CD22: variants seen among roughly 807,000 people sequenced by gnomAD.
CD22 encodes the protein CD22 molecule, also known as B-cell receptor CD22.
CD22 carries 51 observed loss-of-function variants against 94.7 expected under a neutral mutation model. That is an observed-to-expected ratio of 0.54 (90% CI 0.43 to 0.68). CD22 has a LOEUF of 0.68. Ranked by LOEUF, CD22 falls within the 30% of genes least tolerant of loss-of-function variation. The pLI is 0.00. For missense variants in CD22, 931 were observed against 1,060.4 expected (o/e 0.88, Z 1.69); for synonymous variants, 424 against 422.5 (o/e 1.00, Z -0.04).
chr19:35,337,971 C>T lies in CD22; in HGVS notation c.935C>T (p.Ser312Phe), dbSNP rs2066748710. 1 of 1,613,954 alleles carries T rather than the reference C, an allele frequency of 6.2e-7. No individual in the cohort carries two copies. Among genetic ancestry groups the T allele is most frequent in the African/African-American group, 1.3e-5 (1 of 74,936 alleles). ...AGTGGGAAGTACTGCTGTCAGGTCTCCAATGACGTGGGCCCGGGAAGGTCG... is the reference window on the plus strand; with the variant it reads ...AGTGGGAAGTACTGCTGTCAGGTCTTCAATGACGTGGGCCCGGGAAGGTCG... ...DQSGKYCCQV[S>F]NDVGPGRSEE... is the part of the protein sequence containing the mutation. Residue 312 changes from serine to phenylalanine, a missense_variant, in exon 5 of 14, where the codon TCC becomes TTC. Physicochemically the swap from Ser to Phe is radical, Grantham distance 155. Transcript: ENST00000085219. The surrounding 1 kb of genome is among the most constrained non-coding windows in gnomAD (Gnocchi z 4.4).
rs2267578 is a variant in CD22, at chr19:35,335,275, G to A, written c.413-761G>A. On this transcript the variant is annotated intron_variant, in intron 3 of 13. Transcript: ENST00000085219. Reference sequence around the variant, plus strand: ...TCAAAGTGGAGAAAAGCAGGACTGCGTTGGGTGCAGTGGTTCCCGCCTGTA... The same window carrying A: ...TCAAAGTGGAGAAAAGCAGGACTGCATTGGGTGCAGTGGTTCCCGCCTGTA... Among the ~76,000 whole-genome samples, 512 of 152,182 alleles carry A rather than the reference G, an allele frequency of 3.4e-3. 17 individuals carry two copies. The East Asian group carries it at 0.067, about 20-fold the overall frequency.
rs983230247 is a variant in CD22, at chr19:35,331,705, C to A, written c.-22-314C>A. 1.3e-4 allele frequency: 36 copies of A among 277,400 alleles called. No individual in the cohort carries two copies. In the South Asian group the frequency reaches 1.4e-3, roughly 11 times the overall value. The allele number at this position is 277,400 out of a possible 1,614,324, so 17.2% of individuals were successfully genotyped here. A position where few individuals can be genotyped will look rare whatever the true frequency, so the allele number is the denominator to read the frequency against. On this transcript the variant is annotated intron_variant, in intron 1 of 13. Coordinates refer to ENST00000085219, the MANE Select transcript of CD22 (RefSeq NM_001771.4). Reference sequence around the variant, plus strand: ...CTCTACTGAAAATACAAAAATCAGCCAGGCGTGGTGGCACCTGCCTTTACC... The same window carrying A: ...CTCTACTGAAAATACAAAAATCAGCAAGGCGTGGTGGCACCTGCCTTTACC...
intron 2 of CD22, 35 bp from the exon 3 acceptor site, chr19:35,332,512 C>T: frequency 1.3e-6 from 2 of 1,533,040 alleles, no homozygotes; most frequent in Non-Finnish European, 1.7e-6. Context: ...GGCTCTCATG[C>T]CCCCTTAGTA....
At chr19:35,334,919 A>G (rs1194871490) in intron 3 of CD22, among the ~76,000 whole-genome samples, 1 of 151,996 alleles carries the variant, frequency 6.6e-6, no homozygotes, top group Non-Finnish European at 1.5e-5. Context: ...TCTACTAAAA[A>G]TGCAAAAAGT....
At chr19:35,338,760 G>T (rs2066762676) in intron 6 of CD22, among the ~76,000 whole-genome samples, 1 of 152,048 alleles carries the variant, frequency 6.6e-6, no homozygotes, top group African/African-American at 2.4e-5. Context: ...CTCCTGAGTA[G>T]CTGGGATGAC....
chr19:35,334,813 T>G (rs1192861715), intron 3 of CD22, among the ~76,000 whole-genome samples: 1 of 151,732 alleles, frequency 6.6e-6, no homozygotes, highest in African/African-American at 2.4e-5. Flanking sequence ...GCACGGTGGC[T>G]CACGCCTGTA....
At chr19:35,329,845 T>TA (rs1187541689) in intron 1 of CD22, 1 of 154,450 alleles carries the variant, frequency 6.5e-6, no homozygotes, top group African/African-American at 2.4e-5. Context: ...ACCCCTTAGG[T>TA]AACCTTAAGG....
intron 13 of CD22, 77 bp from the exon 14 acceptor site, chr19:35,346,489 A>G (rs1465651001): frequency 1.4e-5 from 21 of 1,543,482 alleles, no homozygotes; most frequent in Non-Finnish European, 1.6e-5. Context: ...GGTGGAATGA[A>G]GGAGAGAATG....
rs1224151105 is a variant in CD22, at chr19:35,338,199, C to T, written c.1017C>T (p.Leu339=). ...CGGAACCTTCCACGGTTCAGATCCT[C>T]CACTCACCGGCTGTGGAGGGAAGTC... ...YAPEPSTVQI[L]HSPAVEGSQV... is the part of the protein sequence containing the mutation. The change falls in exon 6 of 14, where the codon CTC becomes CTT. Residue 339 remains leucine (L), a synonymous_variant. Transcript: ENST00000085219. The T allele has an allele frequency of 2.5e-6, 4 of 1,613,916 alleles. No individual in the cohort carries two copies. In the Admixed American group the frequency reaches 6.7e-5, roughly 27 times the overall value.
intron 5 of CD22, 67 bp from the exon 6 acceptor site, chr19:35,338,101 C>A (rs1016549930): frequency 6.4e-7 from 1 of 1,573,040 alleles, no homozygotes; most frequent in Non-Finnish European, 8.6e-7. Flanking sequence ...CGGGGGCTCT[C>A]GGGGCCGTGT....
intron 10 of CD22, 21 bp from the exon 11 acceptor site, chr19:35,345,030 A>T (rs747428441): frequency 6.2e-7 from 1 of 1,612,566 alleles, no homozygotes; most frequent in South Asian, 1.1e-5. Context: ...TGACCCTCAC[A>T]CATGTGCCTT....
chr19:35,345,664 A>G lies in CD22; in HGVS notation c.2271A>G (p.Glu757=). Residue 757 remains glutamate (E), a synonymous_variant, in exon 12 of 14, where the codon GAA becomes GAG. Coordinates refer to ENST00000085219, the MANE Select transcript of CD22 (RefSeq NM_001771.4). ...TGGGATGCTACAATCCAATGATGGA[A>G]GATGGCATTAGCTACACCACCCTGC... ...HSLGCYNPMM[E]DGISYTTLRF... 1 of 1,613,998 alleles carries G rather than the reference A, an allele frequency of 6.2e-7. No homozygotes were observed. The highest frequency in any genetic ancestry group is 8.5e-7 in the Non-Finnish European group (1 of 1,179,888).
chr19:35,331,877 C>A, intron 1 of CD22, 142 bp from the exon 2 acceptor site: 1 of 1,519,296 alleles, frequency 6.6e-7, no homozygotes, highest in South Asian at 1.3e-5. Context: ...GTGAGCATCC[C>A]AAATGCCACA....
rs200699638 is a variant in CD22 at position 35,340,855 on chromosome 19, T to G, written c.1250-26T>G. The stretch of plus-strand genomic sequence containing the variant: ...GTACTGTGGACAGCTGGCTTTTCTT[T>G]ACTCACCTCTCTGGTTTTCTTCCAG... On this transcript the variant is annotated intron_variant, in intron 6 of 13. Coordinates refer to ENST00000085219, the MANE Select transcript of CD22 (RefSeq NM_001771.4). 364 of 1,613,638 alleles carry G rather than the reference T, an allele frequency of 2.3e-4. 2 individuals are homozygous for G. In the African/African-American group the frequency reaches 4.0e-3, roughly 18 times the overall value.
In CD22 at chr19:35,337,207, C is replaced by G. The variant is rs147025113; in HGVS notation, c.719-548C>G. ...TGAGCTGAGATCGCACCACTGCACT[C>G]CAACCTGGGTGACGAGTGAGACTCC... On this transcript the variant is annotated intron_variant, in intron 4 of 13. Transcript: ENST00000085219. The surrounding 1 kb of genome is among the most constrained non-coding windows in gnomAD (Gnocchi z 4.4). Among the ~76,000 whole-genome samples, 1,521 of 151,838 alleles carry G rather than the reference C, an allele frequency of 0.01. 16 individuals carry two copies. The highest frequency in any genetic ancestry group is 0.031 in the South Asian group (147 of 4,800).
Position 35,345,612 on chromosome 19 carries a change from C to T in CD22, c.2219C>T (p.Ala740Val), listed in dbSNP as rs761915100. 1.9e-6 allele frequency: 3 copies of T among 1,602,880 alleles called. No homozygotes were observed. Among genetic ancestry groups the T allele is most frequent in the South Asian group, 1.1e-5 (1 of 90,840 alleles). The change falls in exon 12 of 14, where the codon GCC (alanine) becomes GTC (valine). Residue 740 changes from alanine (A) to valine (V), a missense_variant. Coordinates refer to ENST00000085219, the MANE Select transcript of CD22 (RefSeq NM_001771.4). ...FFVRNKKVRR[A>V]PLSEGPHSLG... is the part of the protein sequence containing the mutation. Reference sequence around the variant, plus strand: ...TCGTCTCCCTCCCAGGTTAGAAGGGCCCCCCTCTCTGAAGGCCCCCACTCC... The same window carrying T: ...TCGTCTCCCTCCCAGGTTAGAAGGGTCCCCCTCTCTGAAGGCCCCCACTCC...
At chr19:35,335,777 C>T (rs2066713827) in intron 3 of CD22, among the ~76,000 whole-genome samples, 1 of 151,898 alleles carries the variant, frequency 6.6e-6, no homozygotes. Flanking sequence ...ATCACTTGAA[C>T]TGGGGAGGTA....
intron 1 of CD22, among the ~76,000 whole-genome samples, chr19:35,331,379 G>C (rs1331449523): frequency 6.6e-6 from 1 of 152,204 alleles, no homozygotes; most frequent in African/African-American, 2.4e-5. Flanking sequence ...CAGTGGTCTG[G>C]TGCCACTCAA....
intron 5 of CD22, 47 bp downstream of exon 5, chr19:35,338,068 G>T: frequency 6.3e-7 from 1 of 1,580,594 alleles, no homozygotes; most frequent in Non-Finnish European, 8.6e-7. Flanking sequence ...AGGTAGCAGG[G>T]GTGGACCCGG....
Sources: gnomAD v4.1 joint callset for allele counts (sites outside exome capture counted in the v4.1 genomes callset) on GRCh38, gnomAD v4.1.1 for gene constraint, Gnocchi (gnomAD v3.1) non-coding constraint, MANE v1.5 for transcripts, NCBI Gene and HGNC (gene_info 2026-07-23, HGNC 2026-07-21) for gene names.